FBXO6: variants seen among roughly 807,000 people sequenced by gnomAD.
FBXO6 encodes the protein F-box only protein 6.
In FBXO6, 13 loss-of-function variants were observed where a neutral mutation model predicts 25.0. The ratio of observed to expected loss-of-function variants is 0.52; its 90% CI spans 0.34 to 0.83. The LOEUF is 0.83. Among genes scored for constraint, FBXO6 ranks in the 40% least tolerant of loss-of-function variants. The pLI is 0.02. For missense variants in FBXO6, 370 were observed against 380.2 expected, an observed-to-expected ratio of 0.97 and a Z score of 0.22; for synonymous variants, 138 against 155.3, an observed-to-expected ratio of 0.89 and a Z score of 0.83.
chr1:11,667,751 G>A (rs539364603), intron 1 of FBXO6, among the ~76,000 whole-genome samples: 4 of 152,162 alleles, frequency 2.6e-5, no homozygotes, highest in Non-Finnish European at 5.9e-5. Context: ...GTTTCTCAGC[G>A]CTAGCTCACC....
Position 11,673,810 on chromosome 1 carries a change from G to T in FBXO6, c.841G>T (p.Ala281Ser), listed in dbSNP as rs1468456010. The change falls in exon 6 of 6, where the codon GCT becomes TCT. Residue 281 changes from alanine (A) to serine (S), a missense_variant. Transcript: ENST00000376753. This position sits in a 1 kb window ranked among gnomAD's most constrained non-coding sequence, Gnocchi z 4.3. ...TGGGCAGAAGCATGGACAGGAGGAG[G>T]CTGCCCAATCGCCCTACCGAGCTGT... ...QPGQKHGQEE[A>S]AQSPYRAVVQ... 2 of 1,613,966 alleles carry T rather than the reference G, an allele frequency of 1.2e-6. No homozygotes were observed. The highest frequency in any genetic ancestry group is 1.7e-6 in the Non-Finnish European group (2 of 1,180,038).
At chr1:11,670,093 G>A (rs1640574751) in intron 2 of FBXO6, among the ~76,000 whole-genome samples, 1 of 150,982 alleles carries the variant, frequency 6.6e-6, no homozygotes, top group Non-Finnish European at 1.5e-5. Flanking sequence ...GGCACCTGTA[G>A]TCCCAGCTAC....
rs139073449 is a variant in FBXO6, at chr1:11,668,735, C to T, written c.77C>T (p.Thr26Met). Residue 26 changes from threonine to methionine, a missense_variant, in exon 2 of 6, where the codon ACG becomes ATG. Transcript: ENST00000376753. ...LPENILLELFTHVPARQLLLN... is the reference protein window; with the variant it reads ...LPENILLELFMHVPARQLLLN... ...GAGAACATCCTGCTGGAGCTGTTCACGCACGTGCCCGCCCGCCAGCTGCTG... is the reference window on the plus strand; with the variant it reads ...GAGAACATCCTGCTGGAGCTGTTCATGCACGTGCCCGCCCGCCAGCTGCTG... 11 of 1,613,936 alleles carry T rather than the reference C, an allele frequency of 6.8e-6. No homozygotes were observed. Among genetic ancestry groups the T allele is most frequent in the Middle Eastern group, 1.6e-4 (1 of 6,084 alleles).
intron 1 of FBXO6, among the ~76,000 whole-genome samples, chr1:11,665,553 C>CCTTTT (rs1640404605): frequency 1.9e-5 from 1 of 52,758 alleles, no homozygotes; most frequent in African/African-American, 1.2e-4. Context: ...CCGCGCCCGG[C>CCTTTT]CTTTTTTTTT....
chr1:11,666,218 G>A (rs1216424636), intron 1 of FBXO6, among the ~76,000 whole-genome samples: 1 of 151,478 alleles, frequency 6.6e-6, no homozygotes, highest in Non-Finnish European at 1.5e-5. Context: ...GCTCACACCT[G>A]TGAGCTACTG....
At chr1:11,665,685 C>G (rs186861533) in intron 1 of FBXO6, among the ~76,000 whole-genome samples, 12 of 151,076 alleles carry the variant, frequency 7.9e-5, no homozygotes. Flanking sequence ...CTCACCCTCC[C>G]GAGTAGCTGG....
intron 4 of FBXO6, among the ~76,000 whole-genome samples, chr1:11,672,802 G>C (rs1640658830): frequency 6.6e-6 from 1 of 152,236 alleles, no homozygotes; most frequent in Non-Finnish European, 1.5e-5. Context: ...GCAGGCCCCA[G>C]GGCTGCCACT....
chr1:11,665,983 C>A (rs1640422590), intron 1 of FBXO6, among the ~76,000 whole-genome samples: 1 of 145,786 alleles, frequency 6.9e-6, no homozygotes, highest in African/African-American at 2.6e-5. Flanking sequence ...GAAGACTTGG[C>A]CACATTGGGT....
In FBXO6 at chr1:11,673,506, C is replaced by T; in HGVS notation, c.645+94C>T. On this transcript the variant is annotated intron_variant, in intron 5 of 5. Coordinates refer to ENST00000376753, the MANE Select transcript of FBXO6 (RefSeq NM_018438.6). This position sits in a 1 kb window ranked among gnomAD's most constrained non-coding sequence, Gnocchi z 4.3. ...AGCCTCAGGGCCCAGGGTGCCCCTG[C>T]TGGCCTGGAGCTGTTGCCTTCCAGC... 1 of 1,577,308 alleles carries T rather than the reference C, an allele frequency of 6.3e-7. No homozygotes were observed. Among genetic ancestry groups the T allele is most frequent in the Non-Finnish European group, 8.6e-7 (1 of 1,157,608 alleles).
In FBXO6 at chr1:11,671,361, A is replaced by G. The variant is rs970654925; in HGVS notation, c.382A>G (p.Lys128Glu). Residue 128 changes from lysine (K) to glutamate (E), a missense_variant, in exon 3 of 6, where the codon AAA (lysine) becomes GAA (glutamate). By Grantham distance (56) the Lys-to-Glu change is moderately conservative. Transcript: ENST00000376753. ...CCACGGGACAGATTTTCCTGACCCC[A>G]AAGTCAAGAAGTATTTTGTCACATC... The part of the protein sequence containing the change: ...GAHGTDFPDP[K>E]VKKYFVTSYE... 5.6e-6 allele frequency: 9 copies of G among 1,614,136 alleles called. No individual in the cohort carries two copies. Among genetic ancestry groups the G allele is most frequent in the Non-Finnish European group, 6.8e-6 (8 of 1,179,984 alleles).
At chr1:11,668,578 G>A in intron 1 of FBXO6, 78 bp from the exon 2 acceptor site, 15 of 1,541,638 alleles carry the variant, frequency 9.7e-6, no homozygotes, top group Non-Finnish European at 1.3e-5. Context: ...GGGTTGGAGA[G>A]GAGTCCCTGG....
At chr1:11,665,215 C>CTTTTTTTTTTTTTT (rs541103021) in intron 1 of FBXO6, among the ~76,000 whole-genome samples, 1 of 61,586 alleles carries the variant, frequency 1.6e-5, no homozygotes, top group Non-Finnish European at 2.9e-5. Context: ...TAGCTAATTT[C>CTTTTTTTTTTTTTT]TTTTTTTTTT....
chr1:11,672,521 C>T (rs1373223468), intron 4 of FBXO6, among the ~76,000 whole-genome samples: 1 of 152,114 alleles, frequency 6.6e-6, no homozygotes, highest in Non-Finnish European at 1.5e-5. Context: ...AACTCCTGAC[C>T]TCAAGTGATC....
chr1:11,672,083 T>C (rs922411858), intron 4 of FBXO6, 60 bp downstream of exon 4: 16 of 1,456,646 alleles, frequency 1.1e-5, no homozygotes, highest in Non-Finnish European at 1.4e-5. Flanking sequence ...CTGCGCTGCA[T>C]GTACGTGAGA....
At chr1:11,664,984 G>A (rs1451777047) in intron 1 of FBXO6, among the ~76,000 whole-genome samples, 1 of 152,156 alleles carries the variant, frequency 6.6e-6, no homozygotes, top group East Asian at 1.9e-4. Context: ...CCTCTAGCTT[G>A]GAGCCCAGTG....
intron 2 of FBXO6, among the ~76,000 whole-genome samples, chr1:11,669,984 G>A (rs1470480052): frequency 5.5e-5 from 8 of 145,842 alleles, no homozygotes; most frequent in East Asian, 2.2e-4. Context: ...AGGCTGAGGC[G>A]GGCGGATGAC....
At chr1:11,672,858 G>C (rs1485845312) in intron 4 of FBXO6, among the ~76,000 whole-genome samples, 1 of 152,210 alleles carries the variant, frequency 6.6e-6, no homozygotes, top group African/African-American at 2.4e-5. Context: ...GAGCTGCAGG[G>C]GGGAGAGGTG....
chr1:11,673,882 G>C lies in FBXO6; in HGVS notation c.*31G>C, dbSNP rs1640702931. The C allele has an allele frequency of 1.9e-6, 3 of 1,606,514 alleles. No individual in the cohort carries two copies. In the South Asian group the frequency reaches 3.3e-5, roughly 18 times the overall value. On this transcript the variant is annotated 3_prime_UTR_variant, in exon 6 of 6. Coordinates refer to ENST00000376753, the MANE Select transcript of FBXO6 (RefSeq NM_018438.6). This position sits in a 1 kb window ranked among gnomAD's most constrained non-coding sequence, Gnocchi z 4.3. The stretch of plus-strand genomic sequence containing the variant: ...GTCCATCCTGTGTCTGGGTCAGCCA[G>C]AGGTTCCTCCAGGCAGGAGCTGAGC...
At chr1:11,669,889 G>T (rs1333742715) in intron 2 of FBXO6, among the ~76,000 whole-genome samples, 1 of 144,774 alleles carries the variant, frequency 6.9e-6, no homozygotes, top group Non-Finnish European at 1.5e-5. Context: ...TGCCTGCCTC[G>T]GCCTCCCAAA....
Sources: gnomAD v4.1 joint callset for allele counts (sites outside exome capture counted in the v4.1 genomes callset) on GRCh38, gnomAD v4.1.1 for gene constraint, Gnocchi (gnomAD v3.1) non-coding constraint, MANE v1.5 for transcripts, NCBI Gene and HGNC (gene_info 2026-07-23, HGNC 2026-07-21) for gene names.